The following TRHDE variants were observed in gnomAD, a reference collection of about 807,000 sequenced individuals.
TRHDE encodes thyrotropin releasing hormone degrading enzyme.
Under a neutral mutation model 125.7 loss-of-function variants are expected in TRHDE, and 72 were observed. The ratio of observed to expected loss-of-function variants is 0.57; its 90% CI spans 0.47 to 0.70. The LOEUF (loss-of-function observed/expected upper bound fraction) is 0.70, where lower values mean the gene tolerates loss of function less well. TRHDE is among the 30% of genes least tolerant of loss of function. The pLI is 0.00. For synonymous variants in TRHDE, 509 were observed against 509.1 expected (o/e 1.00, Z 0.00); for missense variants, 1,110 against 1,327.1 (o/e 0.84, Z 2.54).
chr12:72,491,940 C>T (rs1364702108), intron 5 of TRHDE, among the ~76,000 whole-genome samples: 1 of 151,920 alleles, frequency 6.6e-6, no homozygotes, highest in Non-Finnish European at 1.5e-5. Flanking sequence ...GTCTTGTGAT[C>T]ATGTACCGCT....
intron 5 of TRHDE, among the ~76,000 whole-genome samples, chr12:72,487,390 G>C (rs1490397406): frequency 1.3e-5 from 2 of 152,088 alleles, no homozygotes; most frequent in African/African-American, 2.4e-5. Context: ...AAAGCAGCAA[G>C]AGAAAAGCAT....
At chr12:72,622,311 T>A (rs1165250229) in intron 15 of TRHDE, among the ~76,000 whole-genome samples, 3 of 152,110 alleles carry the variant, frequency 2.0e-5, no homozygotes, top group Non-Finnish European at 4.4e-5. Flanking sequence ...TAAATTACTT[T>A]TAAGGAAAAA....
chr12:72,479,288 T>C (rs1223091947), intron 5 of TRHDE, among the ~76,000 whole-genome samples: 1 of 152,164 alleles, frequency 6.6e-6, no homozygotes, highest in East Asian at 1.9e-4. Flanking sequence ...GTAGTTCTTA[T>C]ATAAAAATCA....
At chr12:72,628,735 C>G (rs746169902) in intron 15 of TRHDE, among the ~76,000 whole-genome samples, 27 of 151,786 alleles carry the variant, frequency 1.8e-4, no homozygotes, top group Non-Finnish European at 3.7e-4. Flanking sequence ...ATTGTGAATT[C>G]TTTTGTCAAA....
intron 12 of TRHDE, among the ~76,000 whole-genome samples, chr12:72,581,576 TG>T (rs1871228652): frequency 1.3e-5 from 2 of 152,310 alleles, no homozygotes; most frequent in South Asian, 4.1e-4. Context: ...GCATATCTAT[TG>T]TGTTTTTAAT....
chr12:72,392,131 C>G (rs1422828033), intron 3 of TRHDE, among the ~76,000 whole-genome samples: 1 of 152,082 alleles, frequency 6.6e-6, no homozygotes, highest in Non-Finnish European at 1.5e-5. Context: ...ATGCTGGCAC[C>G]CTGATCTCAC....
intron 2 of TRHDE, among the ~76,000 whole-genome samples, chr12:72,184,134 GT>G (rs975335945): frequency 2.6e-5 from 4 of 151,958 alleles, no homozygotes; most frequent in Non-Finnish European, 1.5e-5. Flanking sequence ...TGAATTTTTA[GT>G]TTTTTTTATT....
chr12:72,501,804 G>A (rs1479635657), intron 6 of TRHDE, among the ~76,000 whole-genome samples: 2 of 151,802 alleles, frequency 1.3e-5, no homozygotes, highest in African/African-American at 4.8e-5. Context: ...ATAGCAGTAG[G>A]GACCTGAAAT....
chr12:72,645,235 T>C (rs1874233985), intron 15 of TRHDE, among the ~76,000 whole-genome samples: 2 of 152,052 alleles, frequency 1.3e-5, no homozygotes, highest in Non-Finnish European at 2.9e-5. Flanking sequence ...TACAGTGCAT[T>C]AAAAAATGAT....
intron 15 of TRHDE, among the ~76,000 whole-genome samples, chr12:72,649,537 G>A (rs1874420302): frequency 6.6e-6 from 1 of 151,922 alleles, no homozygotes; most frequent in Admixed American, 6.6e-5. Context: ...CATAAATTGT[G>A]GGACTGCATC....
At chr12:72,435,629 C>T (rs1310186218) in intron 3 of TRHDE, among the ~76,000 whole-genome samples, 1 of 149,038 alleles carries the variant, frequency 6.7e-6, no homozygotes, top group African/African-American at 2.5e-5. Flanking sequence ...GAAAATAGAT[C>T]CCAGGCTGGG....
intron 2 of TRHDE, among the ~76,000 whole-genome samples, chr12:72,210,148 A>G (rs118041357): frequency 1.4e-3 from 212 of 150,576 alleles, no homozygotes; most frequent in Admixed American, 5.0e-3. Flanking sequence ...TAGAACCACA[A>G]TGATTTTAAG....
chr12:72,353,304 A>C (rs915056752), intron 2 of TRHDE, among the ~76,000 whole-genome samples: 3 of 151,716 alleles, frequency 2.0e-5, no homozygotes, highest in African/African-American at 7.2e-5. Context: ...AAGCATTTGT[A>C]GTAGATTGAT....
rs75795683 is a variant in TRHDE at position 72,528,491 on chromosome 12, T to C, written c.1723-13800T>C. Reference sequence around the variant, plus strand: ...AATTTAGAACTGAAAAATATTTAGATTTTTTACAAACAAATAGTGTTTTCT... The same window carrying C: ...AATTTAGAACTGAAAAATATTTAGACTTTTTACAAACAAATAGTGTTTTCT... On this transcript the variant is annotated intron_variant, in intron 6 of 18. Coordinates refer to ENST00000261180, the MANE Select transcript of TRHDE (RefSeq NM_013381.3). 2.9e-3 allele frequency among the ~76,000 whole-genome samples: 449 copies of C among 152,330 alleles called. 2 individuals are homozygous for C. Among genetic ancestry groups the C allele is most frequent in the African/African-American group, 0.01 (419 of 41,580 alleles).
At chr12:72,539,299 A>C (rs1242746217) in intron 6 of TRHDE, among the ~76,000 whole-genome samples, 1 of 151,890 alleles carries the variant, frequency 6.6e-6, no homozygotes, top group Admixed American at 6.6e-5. Context: ...AGGATACCAA[A>C]CATACCACCT....
chr12:72,380,408 A>G (rs900426933), intron 3 of TRHDE, among the ~76,000 whole-genome samples: 1 of 152,226 alleles, frequency 6.6e-6, no homozygotes, highest in African/African-American at 2.4e-5. Context: ...TGTGGGGGAC[A>G]GATGGGGCAT....
intron 3 of TRHDE, among the ~76,000 whole-genome samples, chr12:72,436,032 A>G (rs2135849335): frequency 6.6e-6 from 1 of 152,178 alleles, no homozygotes; most frequent in South Asian, 2.1e-4. Context: ...ATAAACGACA[A>G]AGCCTTTCTT....
intron 2 of TRHDE, among the ~76,000 whole-genome samples, chr12:72,172,264 A>C (rs1374089695): frequency 6.6e-6 from 1 of 152,218 alleles, no homozygotes; most frequent in African/African-American, 2.4e-5. Flanking sequence ...ATATGATTGC[A>C]GACATAAAGA....
chr12:72,378,206 G>A, intron 3 of TRHDE, 85 bp downstream of exon 3: 1 of 1,264,598 alleles, frequency 7.9e-7, no homozygotes, highest in South Asian at 2.3e-5. Flanking sequence ...CCATCCAGAA[G>A]CATGAAAATT....
Sources: gnomAD v4.1 joint callset for allele counts (sites outside exome capture counted in the v4.1 genomes callset) on GRCh38, gnomAD v4.1.1 for gene constraint, MANE v1.5 for transcripts, NCBI Gene and HGNC (gene_info 2026-07-23, HGNC 2026-07-21) for gene names.